ANK1: variants seen among roughly 807,000 people sequenced by gnomAD.
ANK1 encodes ankyrin 1, also known as ankyrin-1.
In ANK1, 51 loss-of-function variants were observed where a neutral mutation model predicts 210.4. The ratio of observed to expected loss-of-function variants is 0.24; its 90% CI spans 0.19 to 0.31. The LOEUF is 0.31. ANK1 is among the 10% of genes least tolerant of loss of function. The pLI, the probability that ANK1 is intolerant of heterozygous loss-of-function variation, is 1.00. For missense variants in ANK1, 2,051 were observed against 2,504.4 expected, an observed-to-expected ratio of 0.82 and a Z score of 3.86; for synonymous variants, 967 against 1,025.9, an observed-to-expected ratio of 0.94 and a Z score of 1.10.
intron 1 of ANK1, among the ~76,000 whole-genome samples, chr8:41,793,787 T>A (rs976444716): frequency 2.0e-5 from 3 of 152,202 alleles, no homozygotes; most frequent in African/African-American, 7.2e-5. Flanking sequence ...TACATATGAA[T>A]TGTGATTTTA....
intron 39 of ANK1, among the ~76,000 whole-genome samples, chr8:41,664,652 C>G (rs983920686): frequency 1.3e-5 from 2 of 152,126 alleles, no homozygotes; most frequent in Non-Finnish European, 2.9e-5. Flanking sequence ...CACTCTGGCT[C>G]CCAGGGTGGA....
At position 41,786,468 on chromosome 8, in the gene ANK1, C is replaced by T. The variant is rs138853413; in HGVS notation, c.27+11044G>A. Among the ~76,000 whole-genome samples the T allele has an allele frequency of 3.8e-4, 58 of 152,352 alleles. No individual in the cohort carries two copies. In the East Asian group the frequency reaches 0.01, roughly 27 times the overall value. On this transcript the variant is annotated intron_variant, in intron 1 of 42. Coordinates refer to ENST00000289734, the MANE Select transcript of ANK1 (RefSeq NM_000037.4). The stretch of plus-strand genomic sequence containing the variant: ...TCTTTCAACAACACCTTCAGGCTGC[C>T]CCAGCCACTGCTGGCTCTGAAGCCA...
intron 42 of ANK1, among the ~76,000 whole-genome samples, chr8:41,657,502 C>T (rs1341270444): frequency 2.0e-5 from 3 of 152,248 alleles, no homozygotes; most frequent in African/African-American, 7.2e-5. Context: ...TTGATGTCTG[C>T]ATATTTCCCT....
intron 1 of ANK1, among the ~76,000 whole-genome samples, chr8:41,882,676 A>C (rs1239565850): frequency 2.0e-5 from 3 of 152,208 alleles, no homozygotes; most frequent in Non-Finnish European, 4.4e-5. Context: ...CAAGCCTCCA[A>C]AAAGCAGGCC....
At chr8:41,880,257 C>T (rs966848975) in intron 1 of ANK1, among the ~76,000 whole-genome samples, 2 of 152,172 alleles carry the variant, frequency 1.3e-5, no homozygotes, top group African/African-American at 4.8e-5. Context: ...CACGCTCCGC[C>T]GGCGGAGCTG....
chr8:41,872,935 C>G (rs1040902086), intron 1 of ANK1, among the ~76,000 whole-genome samples: 12 of 152,196 alleles, frequency 7.9e-5, no homozygotes, highest in Admixed American at 3.9e-4. Flanking sequence ...GATTTTGAGG[C>G]AGAACAATGG....
chr8:41,849,523 C>CAAA (rs11393876), intron 1 of ANK1, among the ~76,000 whole-genome samples: 105 of 149,196 alleles, frequency 7.0e-4, no homozygotes, highest in African/African-American at 2.5e-3. Flanking sequence ...GACAATGTCC[C>CAAA]AAAAAAAAAA....
chr8:41,764,841 G>C (rs1395520467), intron 1 of ANK1, among the ~76,000 whole-genome samples: 2 of 152,106 alleles, frequency 1.3e-5, no homozygotes, highest in African/African-American at 4.8e-5. Context: ...CTCTCCCTAG[G>C]TTTTAAACAC....
At chr8:41,817,857 T>A (rs1803579007) in intron 1 of ANK1, among the ~76,000 whole-genome samples, 1 of 152,180 alleles carries the variant, frequency 6.6e-6, no homozygotes, top group East Asian at 1.9e-4. Flanking sequence ...ACAAAAAAGA[T>A]GCAGCCCTTT....
In ANK1 at chr8:41,699,496, A is replaced by T. The variant is rs1822074216; in HGVS notation, c.2514T>A (p.Asp838Glu). 1 of 1,614,088 alleles carries T rather than the reference A, an allele frequency of 6.2e-7. No homozygotes were observed. The highest frequency in any genetic ancestry group is 8.5e-7 in the Non-Finnish European group (1 of 1,180,018). ...CAAAATCCAGCAGCTCCTTCTCTTCATCAACATCCCTGGAATCCCGCCTCT... is the reference window on the plus strand; with the variant it reads ...CAAAATCCAGCAGCTCCTTCTCTTCTTCAACATCCCTGGAATCCCGCCTCT... Reference protein sequence around the residue: ...KAERRDSRDVDEEKELLDFVP... With the variant: ...KAERRDSRDVEEEKELLDFVP... Residue 838 changes from aspartate (D) to glutamate (E), a missense_variant, in exon 23 of 43, where the codon GAT becomes GAA. Asp to Glu is a conservative substitution (Grantham distance 45). This residue lies in a region of ANK1 where 1,413 missense variants were observed against 1,707.4 expected (regional missense o/e 0.83). Transcript: ENST00000289734.
Position 41,671,095 on chromosome 8 carries a change from G to A in ANK1, c.5096+1259C>T, listed in dbSNP as rs1488154687. Among the ~76,000 whole-genome samples the A allele has an allele frequency of 2.0e-5, 3 of 152,238 alleles. No homozygotes were observed. In the East Asian group the frequency reaches 5.8e-4, roughly 29 times the overall value. On this transcript the variant is annotated intron_variant, in intron 38 of 42. Coordinates refer to ENST00000289734, the MANE Select transcript of ANK1 (RefSeq NM_000037.4). ...CTCCAAGGTGAGCCGGTCCTCGGCC[G>A]CAGACTTGCAGTGTCTGGGAAATGC... is the stretch of plus-strand genomic sequence containing the variant.
At position 41,653,511 on chromosome 8, in the gene ANK1, A is replaced by C. The variant is rs1211288707; in HGVS notation, c.*2279T>G. 1 of 152,990 alleles carries C rather than the reference A, an allele frequency of 6.5e-6. No individual in the cohort carries two copies. Among genetic ancestry groups the C allele is most frequent in the Non-Finnish European group, 1.5e-5 (1 of 68,304 alleles). 9.5% of individuals were successfully genotyped at this position (152,990 alleles called of 1,614,324 possible). ...CGGAGCGTGCAGCCATGCCAGCCGG[A>C]GCAGAGGTGCCAAAGCGGAGTCTGG... On this transcript the variant is annotated 3_prime_UTR_variant, in exon 43 of 43. Transcript: ENST00000289734.
At chr8:41,860,160 G>T (rs1046541914) in intron 1 of ANK1, among the ~76,000 whole-genome samples, 2 of 152,196 alleles carry the variant, frequency 1.3e-5, no homozygotes, top group Admixed American at 6.5e-5. Flanking sequence ...TGTGCTAGAT[G>T]GACATTTAAA....
In ANK1 at chr8:41,797,493, G is replaced by A. The variant is rs775302954; in HGVS notation, c.27+19C>T. On this transcript the variant is annotated intron_variant, in intron 1 of 42. Coordinates refer to ENST00000289734, the MANE Select transcript of ANK1 (RefSeq NM_000037.4). The surrounding 1 kb of genome is among the most constrained non-coding windows in gnomAD (Gnocchi z 4.0). Reference sequence around the variant, plus strand: ...TCCTGACATCTCCCCGTCCACCCGAGCAGCCGCCCAGTACTCACTTCGCGG... The same window carrying A: ...TCCTGACATCTCCCCGTCCACCCGAACAGCCGCCCAGTACTCACTTCGCGG... 5 of 1,611,356 alleles carry A rather than the reference G, an allele frequency of 3.1e-6. No individual in the cohort carries two copies. Among genetic ancestry groups the A allele is most frequent in the Non-Finnish European group, 4.2e-6 (5 of 1,178,018 alleles).
At chr8:41,714,920 CCT>C in intron 15 of ANK1, 54 bp downstream of exon 15, 1 of 1,542,636 alleles carries the variant, frequency 6.5e-7, no homozygotes, top group Non-Finnish European at 9.0e-7. Flanking sequence ...TGATGTCCAT[CCT>C]CTGTCCTTGC....
At chr8:41,692,953 T>A in intron 30 of ANK1, 77 bp from the exon 31 acceptor site, 1 of 1,546,560 alleles carries the variant, frequency 6.5e-7, no homozygotes, top group African/African-American at 1.4e-5. Context: ...GAGCAGCCCG[T>A]GAGCCATACC....
chr8:41,684,646 T>C lies in ANK1; in HGVS notation c.4435A>G (p.Ile1479Val). 6.2e-7 allele frequency: 1 copy of C among 1,613,816 alleles called. No individual in the cohort carries two copies. The highest frequency in any genetic ancestry group is 8.5e-7 in the Non-Finnish European group (1 of 1,180,000). ...CCGGAACCCTCCAGCATGTTCACGATCTCGCCACGGTCAATGCTCTGCAGG... is the reference window on the plus strand; with the variant it reads ...CCGGAACCCTCCAGCATGTTCACGACCTCGCCACGGTCAATGCTCTGCAGG... ...TALQSIDRGE[I>V]VNMLEGSGRQ... Residue 1479 changes from isoleucine (I) to valine (V), a missense_variant, in exon 37 of 43, where the codon ATC becomes GTC. By Grantham distance (29) the Ile-to-Val change is conservative (BLOSUM62 3). Transcript: ENST00000289734.
intron 1 of ANK1, among the ~76,000 whole-genome samples, chr8:41,759,809 C>T (rs909943435): frequency 3.9e-5 from 6 of 152,102 alleles, no homozygotes; most frequent in Admixed American, 2.0e-4. Flanking sequence ...ATTTGGAATA[C>T]CCAAGAGGTA....
chr8:41,895,275 T>G (rs1820253392), intron 1 of ANK1, among the ~76,000 whole-genome samples: 1 of 152,214 alleles, frequency 6.6e-6, no homozygotes, highest in African/African-American at 2.4e-5. Context: ...TGGGGAGCCG[T>G]GCAGGCTGGG....
Sources: gnomAD v4.1 joint callset for allele counts (sites outside exome capture counted in the v4.1 genomes callset) on GRCh38, gnomAD v4.1.1 for gene constraint, gnomAD v4.1.1 regional missense constraint, Gnocchi (gnomAD v3.1) non-coding constraint, MANE v1.5 for transcripts, NCBI Gene and HGNC (gene_info 2026-07-23, HGNC 2026-07-21) for gene names.